NECTIN3: variants seen among roughly 807,000 people sequenced by gnomAD.
The protein encoded by NECTIN3 is nectin-3.
Under a neutral mutation model 49.4 loss-of-function variants are expected in NECTIN3, and 8 were observed. The ratio of observed to expected loss-of-function variants is 0.16; its 90% CI spans 0.10 to 0.29. The LOEUF (loss-of-function observed/expected upper bound fraction) is 0.29, where lower values mean the gene tolerates loss of function less well. Ranked by LOEUF, NECTIN3 falls within the 10% of genes least tolerant of loss-of-function variation. The pLI, the probability that NECTIN3 is intolerant of heterozygous loss-of-function variation, is 1.00. For synonymous variants in NECTIN3, 277 were observed against 241.1 expected, an observed-to-expected ratio of 1.15 and a Z score of -1.38; for missense variants, 581 against 654.6, an observed-to-expected ratio of 0.89 and a Z score of 1.23.
At chr3:111,105,637 G>A (rs1327786999) in intron 1 of NECTIN3, among the ~76,000 whole-genome samples, 2 of 152,110 alleles carry the variant, frequency 1.3e-5, no homozygotes. Context: ...TGTGTTTTCT[G>A]TGAATAAAGA....
chr3:111,154,110 G>A (rs1393565279), intron 7 of NECTIN3, among the ~76,000 whole-genome samples: 1 of 152,032 alleles, frequency 6.6e-6, no homozygotes, highest in Non-Finnish European at 1.5e-5. Context: ...TCAAAATATT[G>A]TACATATCCG....
rs991822891 is a variant in NECTIN3, at chr3:111,136,049, A to G, written c.*1834A>G. The stretch of plus-strand genomic sequence containing the variant: ...GAAAACTTTTTGATAAAACACTGTG[A>G]TTGATGTGACTTTATTTTTAATTTA... On this transcript the variant is annotated 3_prime_UTR_variant, in exon 6 of 6. Transcript: ENST00000485303. 3.1e-6 allele frequency: 3 copies of G among 980,564 alleles called. No individual in the cohort carries two copies. The African/African-American group carries it at 5.3e-5, about 17-fold the overall frequency. 60.7% of individuals were successfully genotyped at this position (980,564 alleles called of 1,614,324 possible).
At chr3:111,145,478 T>G (rs534066099) in intron 6 of NECTIN3, among the ~76,000 whole-genome samples, 13 of 152,276 alleles carry the variant, frequency 8.5e-5, no homozygotes, top group Admixed American at 2.0e-4. Context: ...TTTTAAAAAT[T>G]TTTTCTTAAG....
intron 4 of NECTIN3, among the ~76,000 whole-genome samples, chr3:111,123,259 A>G (rs1294118863): frequency 1.1e-4 from 17 of 152,118 alleles, no homozygotes; most frequent in Admixed American, 1.1e-3. Context: ...CAGGGATACT[A>G]GAATTATTTC....
chr3:111,131,598 C>T (rs1289371204), intron 5 of NECTIN3, among the ~76,000 whole-genome samples: 1 of 151,828 alleles, frequency 6.6e-6, no homozygotes, highest in Non-Finnish European at 1.5e-5. Flanking sequence ...GAACCATCAA[C>T]AAAAATAAGA....
At position 111,072,564 on chromosome 3, in the gene NECTIN3, G is replaced by A; in HGVS notation, c.160+387G>A. 4 of 1,535,650 alleles carry A rather than the reference G, an allele frequency of 2.6e-6. 1 individual carries two copies. In the South Asian group the frequency reaches 4.8e-5, roughly 18 times the overall value. On this transcript the variant is annotated intron_variant, in intron 1 of 5. Coordinates refer to ENST00000485303, the MANE Select transcript of NECTIN3 (RefSeq NM_015480.3). ...GCCGCTTTTTTTCCCGGTGAAACTT[G>A]AGCTGTGAGCCCAGAAACCCTAGGG...
rs763471287 is a variant in NECTIN3 at position 111,136,581 on chromosome 3, A to G, written c.*2366A>G. 7.5e-6 allele frequency: 7 copies of G among 933,518 alleles called. No homozygotes were observed. Among genetic ancestry groups the G allele is most frequent in the Non-Finnish European group, 8.9e-6 (7 of 782,890 alleles). 57.8% of individuals were successfully genotyped at this position (933,518 alleles called of 1,614,324 possible). On this transcript the variant is annotated 3_prime_UTR_variant, in exon 6 of 6. Coordinates refer to ENST00000485303, the MANE Select transcript of NECTIN3 (RefSeq NM_015480.3). ...CATAGAGACTTGTTTGAAAACATGA[A>G]TAGTCATTAAATAAAGACATTGTTA...
At chr3:111,124,662 A>G (rs964167246) in intron 4 of NECTIN3, among the ~76,000 whole-genome samples, 12 of 152,230 alleles carry the variant, frequency 7.9e-5, no homozygotes, top group Admixed American at 7.2e-4. Context: ...TTGAAGTACT[A>G]CCAACTCTAA....
chr3:111,085,622 A>C (rs1384582988), intron 1 of NECTIN3, among the ~76,000 whole-genome samples: 1 of 151,848 alleles, frequency 6.6e-6, no homozygotes, highest in East Asian at 1.9e-4. Flanking sequence ...ACCACACATT[A>C]GTTTTTCCTG....
At chr3:111,102,434 A>G (rs1336887560) in intron 1 of NECTIN3, among the ~76,000 whole-genome samples, 2 of 152,192 alleles carry the variant, frequency 1.3e-5, no homozygotes, top group African/African-American at 4.8e-5. Flanking sequence ...CATCAAAACC[A>G]CATCAACTCC....
chr3:111,192,029 A>G (rs1428628684), upstream of NECTIN3, among the ~76,000 whole-genome samples: 1 of 152,096 alleles, frequency 6.6e-6, no homozygotes, highest in Admixed American at 6.6e-5. Flanking sequence ...ATGGAGTTTC[A>G]CCATGTTGAT....
At chr3:111,187,600 A>G (rs1009773205), upstream of NECTIN3, among the ~76,000 whole-genome samples, 2 of 152,232 alleles carry the variant, frequency 1.3e-5, no homozygotes, top group Admixed American at 6.5e-5. Context: ...TATTCAGACA[A>G]TGGAATATTA....
At chr3:111,151,862 T>A (rs1002838295) in intron 7 of NECTIN3, among the ~76,000 whole-genome samples, 1 of 151,788 alleles carries the variant, frequency 6.6e-6, no homozygotes, top group Non-Finnish European at 1.5e-5. Flanking sequence ...AAGGTCTCAT[T>A]CCTATACCTA....
chr3:111,125,532 C>G lies in NECTIN3; in HGVS notation c.918-652C>G, dbSNP rs375662687. ...AATATGGATACTAGGTATAGGACCT[C>G]TTAGCCAAATTAGTGTAAATACTGT... is the stretch of plus-strand genomic sequence containing the variant. On this transcript the variant is annotated intron_variant, in intron 4 of 5. Coordinates refer to ENST00000485303, the MANE Select transcript of NECTIN3 (RefSeq NM_015480.3). Among the ~76,000 whole-genome samples, 489 of 152,224 alleles carry G rather than the reference C, an allele frequency of 3.2e-3. 4 individuals carry two copies. Among genetic ancestry groups the G allele is most frequent in the African/African-American group, 0.011 (461 of 41,538 alleles).
At chr3:111,091,360 A>C (rs6437947) in intron 1 of NECTIN3, among the ~76,000 whole-genome samples, 1 of 151,938 alleles carries the variant, frequency 6.6e-6, no homozygotes, top group Non-Finnish European at 1.5e-5. Flanking sequence ...GGTTCACGCC[A>C]TCTCCTGCCT....
At chr3:111,133,233 A>G (rs2034454319) in intron 5 of NECTIN3, among the ~76,000 whole-genome samples, 1 of 151,970 alleles carries the variant, frequency 6.6e-6, no homozygotes, top group Admixed American at 6.6e-5. Context: ...GGCTAAGAAA[A>G]TGTACATTTG....
chr3:111,111,980 G>T, intron 1 of NECTIN3, 50 bp from the exon 2 acceptor site: 1 of 1,314,788 alleles, frequency 7.6e-7, no homozygotes, highest in South Asian at 1.4e-5. Flanking sequence ...GGAGAGTGTT[G>T]ACCACTTTTT....
chr3:111,158,490 A>T (rs943102634), intron 7 of NECTIN3, among the ~76,000 whole-genome samples: 2 of 152,116 alleles, frequency 1.3e-5, no homozygotes, highest in African/African-American at 4.8e-5. Context: ...ATTGATATAT[A>T]TGTTCCCATG....
At chr3:111,133,468 G>A (rs1448726914) in intron 5 of NECTIN3, among the ~76,000 whole-genome samples, 167 bp from the exon 6 acceptor site, 1 of 152,030 alleles carries the variant, frequency 6.6e-6, no homozygotes, top group African/African-American at 2.4e-5. Context: ...TTTTTAAATA[G>A]ATGAGTACCA....
Sources: gnomAD v4.1 joint callset for allele counts (sites outside exome capture counted in the v4.1 genomes callset) on GRCh38, gnomAD v4.1.1 for gene constraint, MANE v1.5 for transcripts, NCBI Gene and HGNC (gene_info 2026-07-23, HGNC 2026-07-21) for gene names.